The following PPP2R3B variants were observed in gnomAD, a reference collection of about 807,000 sequenced individuals.
The protein encoded by PPP2R3B is serine/threonine-protein phosphatase 2A regulatory subunit B'' subunit beta.
A neutral mutation model predicts 72.9 loss-of-function variants in PPP2R3B; 68 were observed. The ratio of observed to expected loss-of-function variants is 0.93; its 90% confidence interval spans 0.77 to 1.14. The LOEUF (loss-of-function observed/expected upper bound fraction) is 1.14, where lower values mean the gene tolerates loss of function less well. Ranked by LOEUF, PPP2R3B falls within the 50% of genes most tolerant of loss-of-function variation. The pLI, the probability that PPP2R3B is intolerant of heterozygous loss-of-function variation, is 0.00. For missense variants in PPP2R3B, 1,018 were observed against 842.0 expected (o/e 1.21, Z -2.59); for synonymous variants, 466 against 375.8 (o/e 1.24, Z -2.78).
At chrX:357,478 C>A (rs1457737104) in intron 2 of PPP2R3B, among the ~76,000 whole-genome samples, 1 of 152,160 alleles carries the variant, frequency 6.6e-6, no homozygotes, top group Non-Finnish European at 1.5e-5. Context: ...ACACTGACAG[C>A]TGCTTTACTG....
intron 7 of PPP2R3B, among the ~76,000 whole-genome samples, chrX:342,400 G>GAC (rs1185544973): frequency 1.6e-5 from 2 of 124,254 alleles, no homozygotes; most frequent in East Asian, 2.6e-4. Context: ...AGCAACGGGA[G>GAC]GCGGGAGTGA....
chrX:356,936 G>T (rs1327254228), intron 2 of PPP2R3B, among the ~76,000 whole-genome samples: 1 of 142,444 alleles, frequency 7.0e-6, no homozygotes, highest in Non-Finnish European at 1.5e-5. Flanking sequence ...CAGCCACACA[G>T]CGAGCCCCAC....
intron 1 of PPP2R3B, among the ~76,000 whole-genome samples, chrX:370,269 G>C (rs994104636): frequency 7.2e-5 from 11 of 152,292 alleles, no homozygotes; most frequent in South Asian, 4.1e-4. Flanking sequence ...GCAGGTGTCT[G>C]AGTAGGCCAG....
chrX:363,533 C>A (rs1029045654), intron 1 of PPP2R3B, among the ~76,000 whole-genome samples: 1 of 146,808 alleles, frequency 6.8e-6, no homozygotes, highest in Non-Finnish European at 1.5e-5. Flanking sequence ...CGCAGTGCAT[C>A]TCCCCGAGCC....
chrX:339,181 G>A (rs1292881540), intron 10 of PPP2R3B, among the ~76,000 whole-genome samples: 5 of 150,816 alleles, frequency 3.3e-5, no homozygotes, highest in African/African-American at 7.3e-5. Context: ...GGGCGCTGCT[G>A]GATCTGAAAT....
intron 1 of PPP2R3B, among the ~76,000 whole-genome samples, chrX:372,909 C>G (rs1340311092): frequency 3.9e-5 from 6 of 152,204 alleles, no homozygotes; most frequent in Non-Finnish European, 2.9e-5. Context: ...GCCTGGGAAA[C>G]AGAGAGGCTT....
At chrX:348,893 C>T (rs1368881795) in intron 2 of PPP2R3B, among the ~76,000 whole-genome samples, 1 of 152,060 alleles carries the variant, frequency 6.6e-6, no homozygotes, top group Non-Finnish European at 1.5e-5. Flanking sequence ...GGGGCGTTTC[C>T]CAGTGCCTGT....
intron 6 of PPP2R3B, 112 bp downstream of exon 6, chrX:346,061 GT>G (rs2071200771): frequency 9.6e-5 from 51 of 531,538 alleles, no homozygotes; most frequent in Non-Finnish European, 1.3e-4. Context: ...GGGGGTGGGG[GT>G]GGGAGAGGGG....
chrX:336,219 T>C (rs1439647396), intron 12 of PPP2R3B: 2 of 152,124 alleles, frequency 1.3e-5, no homozygotes, highest in South Asian at 2.1e-4. Context: ...AATCCAGTAA[T>C]ATGTGAGGAT....
Position 334,328 on chromosome X carries a change from G to A in PPP2R3B, c.*39C>T, listed in dbSNP as rs187493761. On this transcript the variant is annotated 3_prime_UTR_variant, in exon 13 of 13. Coordinates refer to ENST00000390665, the MANE Select transcript of PPP2R3B (RefSeq NM_013239.5). ...AGCCGCGGTGGCCCGGTGGTGGCAC[G>A]TGGGGAGCGGCCCCGCGGCGGCGTT... 1.2e-4 allele frequency: 177 copies of A among 1,446,362 alleles called. No individual in the cohort carries two copies. The highest frequency in any genetic ancestry group is 5.1e-4 in the Admixed American group (19 of 37,026). 89.6% of individuals were successfully genotyped at this position (1,446,362 alleles called of 1,614,324 possible).
chrX:345,691 G>A lies in PPP2R3B; in HGVS notation c.880-19C>T, dbSNP rs758851740. The A allele has an allele frequency of 2.5e-6, 4 of 1,610,924 alleles. No individual in the cohort carries two copies. Among genetic ancestry groups the A allele is most frequent in the African/African-American group, 2.7e-5 (2 of 74,722 alleles). On this transcript the variant is annotated intron_variant, in intron 6 of 12. Transcript: ENST00000390665. ...CCACATTCTGCCAAAGGACCCAGGC[G>A]GCCTGAGCGCGGGGCCTCTGCGGGG...
intron 1 of PPP2R3B, among the ~76,000 whole-genome samples, chrX:378,441 G>A (rs914114557): frequency 3.9e-5 from 6 of 152,280 alleles, no homozygotes; most frequent in South Asian, 2.1e-4. Flanking sequence ...AAAGGCTTAC[G>A]AAGGCGACCT....
At chrX:341,285 G>T in intron 9 of PPP2R3B, 22 bp downstream of exon 9, 1 of 1,608,040 alleles carries the variant, frequency 6.2e-7, no homozygotes, top group South Asian at 1.1e-5. Context: ...TGGGACAAAC[G>T]CATGCCGCAG....
chrX:380,524 G>A (rs766881571), intron 1 of PPP2R3B, among the ~76,000 whole-genome samples: 3 of 152,098 alleles, frequency 2.0e-5, no homozygotes, highest in East Asian at 1.9e-4. Flanking sequence ...GGTTGCCCTC[G>A]TCTGTCATCC....
At position 386,566 on chromosome X, in the gene PPP2R3B, G is replaced by T. The variant is rs748948011; in HGVS notation, c.126C>A (p.Pro42=). ...LQDCLRRIKA[P]GRDQPTPGDG... ...CCCCCGGGGTCGGCTGGTCCCGCCC[G>T]GGCGCCTTGATCCGGCGCAGGCAGT... is the stretch of plus-strand genomic sequence containing the variant. The change falls in exon 1 of 13, where the codon CCC becomes CCA. Residue 42 remains proline, a synonymous_variant. Coordinates refer to ENST00000390665, the MANE Select transcript of PPP2R3B (RefSeq NM_013239.5). The T allele has an allele frequency of 8.1e-5, 116 of 1,440,212 alleles. No homozygotes were observed. The African/African-American group carries it at 1.5e-3, about 19-fold the overall frequency. 89.2% of individuals were successfully genotyped at this position (1,440,212 alleles called of 1,614,324 possible).
intron 1 of PPP2R3B, among the ~76,000 whole-genome samples, chrX:374,440 T>C (rs1293018111): frequency 6.6e-6 from 1 of 152,234 alleles, no homozygotes; most frequent in African/African-American, 2.4e-5. Context: ...GCAGTGGGCA[T>C]CCAGGATCTC....
chrX:335,569 T>G (rs2070867055), intron 12 of PPP2R3B: 1 of 152,058 alleles, frequency 6.6e-6, no homozygotes, highest in African/African-American at 2.4e-5. Context: ...AACCCAACGG[T>G]AACCAGAAAG....
intron 2 of PPP2R3B, among the ~76,000 whole-genome samples, chrX:356,800 A>G (rs1445551266): frequency 6.7e-6 from 1 of 149,272 alleles, no homozygotes; most frequent in Non-Finnish European, 1.5e-5. Context: ...GCCCCACAGT[A>G]TCCACACCCT....
At chrX:340,439 C>T (rs1284610413) in intron 10 of PPP2R3B, among the ~76,000 whole-genome samples, 1 of 151,000 alleles carries the variant, frequency 6.6e-6, no homozygotes, top group African/African-American at 2.4e-5. Flanking sequence ...CGTCCCCTCA[C>T]CCTGGTCCGT....
Sources: gnomAD v4.1 joint callset for allele counts (sites outside exome capture counted in the v4.1 genomes callset) on GRCh38, gnomAD v4.1.1 for gene constraint, MANE v1.5 for transcripts, NCBI Gene and HGNC (gene_info 2026-07-23, HGNC 2026-07-21) for gene names.